The following TNK2 variants were observed in gnomAD, a reference collection of about 807,000 sequenced individuals.
TNK2 encodes the protein tyrosine kinase non receptor 2.
Under a neutral mutation model 101.8 loss-of-function variants are expected in TNK2, and 83 were observed. The ratio of observed to expected loss-of-function variants is 0.82; its 90% CI spans 0.68 to 0.98. TNK2 has a LOEUF of 0.98. TNK2 is among the 50% of genes least tolerant of loss of function. The probability of loss-of-function intolerance (pLI) is 0.00; values close to 1 mark genes in which losing one functional copy is unlikely to be tolerated. For missense variants in TNK2, 1,665 were observed against 1,483.2 expected (o/e 1.12, Z -2.01); for synonymous variants, 804 against 633.0 (o/e 1.27, Z -4.06).
In TNK2 at chr3:195,868,321, G is replaced by C. The variant is rs998844154; in HGVS notation, c.1977C>G (p.Asp659Glu). 2.1e-5 allele frequency: 34 copies of C among 1,603,076 alleles called. No individual in the cohort carries two copies. The Admixed American group carries it at 5.7e-4, about 27-fold the overall frequency. ...TGCTGTTGATGGAGCAGATCTCAAA[G>C]TCATCCTCATCCTGGGCCACGTCGT... ...AYDDVAQDED[D>E]FEICSINSTL... is the part of the protein sequence containing the mutation. The change falls in exon 13 of 16, where the codon GAC (aspartate) becomes GAG (glutamate). Residue 659 changes from aspartate (D) to glutamate (E), a missense_variant. Coordinates refer to ENST00000672887, the MANE Select transcript of TNK2 (RefSeq NM_001382273.1).
chr3:195,870,210 G>T lies in TNK2; in HGVS notation c.1452-5C>A, dbSNP rs371250066. On this transcript the variant is annotated splice_polypyrimidine_tract_variant and splice_region_variant and intron_variant, in intron 10 of 15. Transcript: ENST00000672887. ...ATGGGGTTTCCCAGATACAGTCTGT[G>T]GGGGAGAGAGCTGGGTCAAGAGAGC... 54 of 1,596,086 alleles carry T rather than the reference G, an allele frequency of 3.4e-5. No individual in the cohort carries two copies. Among genetic ancestry groups the T allele is most frequent in the South Asian group, 4.5e-5 (4 of 88,748 alleles).
intron 12 of TNK2, chr3:195,868,985 C>T (rs550761598): frequency 8.3e-5 from 42 of 504,244 alleles, no homozygotes; most frequent in African/African-American, 7.7e-4. Context: ...CTGGCTCCTG[C>T]CTGACGCTGC....
At chr3:195,880,652 A>G (rs1301570014) in intron 6 of TNK2, among the ~76,000 whole-genome samples, 3 of 89,600 alleles carry the variant, frequency 3.3e-5, no homozygotes. Flanking sequence ...AGGACACAGC[A>G]TATATCCCTG....
rs965308270 is a variant in TNK2, at chr3:195,872,767, C to T, written c.1257-297G>A. 5.9e-5 allele frequency: 22 copies of T among 374,244 alleles called. No individual in the cohort carries two copies. In the Admixed American group the frequency reaches 7.5e-4, roughly 13 times the overall value. 23.2% of individuals were successfully genotyped at this position (374,244 alleles called of 1,614,324 possible). A position where few individuals can be genotyped will look rare whatever the true frequency, so the allele number is the denominator to read the frequency against. ...TGCAGCAGGCAACATGACCTGTCCA[C>T]GGTTACCAGAAAGATCCCAGCAGAC... On this transcript the variant is annotated intron_variant, in intron 9 of 15. Transcript: ENST00000672887.
intron 10 of TNK2, 149 bp downstream of exon 10, chr3:195,872,127 A>C: frequency 1.1e-6 from 1 of 906,634 alleles, no homozygotes; most frequent in Admixed American, 2.7e-5. Context: ...TCCCGAGAGT[A>C]AGGCCAGGGT....
rs1394843979 is a variant in TNK2 at position 195,885,637 on chromosome 3, G to C, written c.235-604C>G. 1.6e-6 allele frequency: 2 copies of C among 1,265,378 alleles called. No homozygotes were observed. Among genetic ancestry groups the C allele is most frequent in the Non-Finnish European group, 1.0e-6 (1 of 966,822 alleles). 78.4% of individuals were successfully genotyped at this position (1,265,378 alleles called of 1,614,324 possible). The stretch of plus-strand genomic sequence containing the variant: ...TAGTCCTTGCTGGGAAGGGGCCTGG[G>C]AAGACAGCTGGGTCTCTGGAGGGGC... On this transcript the variant is annotated intron_variant, in intron 3 of 15. Transcript: ENST00000672887. The surrounding 1 kb of genome is among the most constrained non-coding windows in gnomAD (Gnocchi z 4.7).
chr3:195,902,190 G>A (rs912062324), intron 1 of TNK2, among the ~76,000 whole-genome samples: 3 of 152,188 alleles, frequency 2.0e-5, no homozygotes, highest in Non-Finnish European at 2.9e-5. Context: ...ACAAATCCCA[G>A]CGTGAGAGAC....
At chr3:195,887,137 C>G in intron 2 of TNK2, 90 bp from the exon 3 acceptor site, 2 of 1,289,282 alleles carry the variant, frequency 1.6e-6, no homozygotes, top group Non-Finnish European at 2.2e-6. Flanking sequence ...GTGAGCCTGT[C>G]ACTAGACACC....
chr3:195,907,193 C>A (rs1761814852), intron 1 of TNK2, among the ~76,000 whole-genome samples: 1 of 152,246 alleles, frequency 6.6e-6, no homozygotes, highest in Non-Finnish European at 1.5e-5. Context: ...ACAGTGAGAG[C>A]CACTCTGGCC....
chr3:195,870,476 C>T, intron 10 of TNK2: 3 of 1,179,160 alleles, frequency 2.5e-6, no homozygotes, highest in Non-Finnish European at 3.3e-6. Context: ...GGTGGTCCTC[C>T]ACAACCCCCC....
At chr3:195,884,152 A>C (rs905527188) in intron 4 of TNK2, 17 of 152,236 alleles carry the variant, frequency 1.1e-4, no homozygotes, top group Admixed American at 9.2e-4. Context: ...CCGAGAAGAA[A>C]GAACAAGATT....
intron 1 of TNK2, chr3:195,895,707 A>C (rs1760294728): frequency 2.7e-6 from 2 of 741,044 alleles, no homozygotes; most frequent in Non-Finnish European, 3.7e-6. Context: ...AGAGCCACCA[A>C]CTGGGGCCTT....
In TNK2 at chr3:195,895,626, G is replaced by T. The variant is rs898328996; in HGVS notation, c.-18-7020C>A. Reference sequence around the variant, plus strand: ...CCAGCCCCGGGCTGACCCCCACCGAGAGCCGGGGCTCTGCCTTCGCCGGCC... The same window carrying T: ...CCAGCCCCGGGCTGACCCCCACCGATAGCCGGGGCTCTGCCTTCGCCGGCC... On this transcript the variant is annotated intron_variant, in intron 1 of 15. Transcript: ENST00000672887. 1.0e-5 allele frequency: 13 copies of T among 1,284,832 alleles called. No individual in the cohort carries two copies. In the African/African-American group the frequency reaches 1.9e-4, roughly 18 times the overall value. 79.6% of individuals were successfully genotyped at this position (1,284,832 alleles called of 1,614,324 possible). A position where few individuals can be genotyped will look rare whatever the true frequency, so the allele number is the denominator to read the frequency against.
At chr3:195,895,108 C>T in intron 1 of TNK2, 1 of 797,696 alleles carries the variant, frequency 1.3e-6, no homozygotes, top group South Asian at 2.6e-5. Context: ...CATAAACACA[C>T]CGCTCTCTGT....
At chr3:195,869,399 C>T in intron 12 of TNK2, 98 bp downstream of exon 12, 3 of 1,249,682 alleles carry the variant, frequency 2.4e-6, no homozygotes, top group African/African-American at 1.5e-5. Context: ...ACCCACCTCC[C>T]CTCCGGCCCA....
chr3:195,884,316 T>C (rs979400028), intron 4 of TNK2: 2 of 152,302 alleles, frequency 1.3e-5, no homozygotes, highest in Non-Finnish European at 2.9e-5. Flanking sequence ...AATAAATTAT[T>C]TTTATAGTTG....
Position 195,878,541 on chromosome 3 carries a change from A to G in TNK2, c.1066T>C (p.Cys356Arg). The change falls in exon 8 of 16, where the codon TGT becomes CGT. Residue 356 changes from cysteine (C) to arginine (R), a missense_variant. Coordinates refer to ENST00000672887, the MANE Select transcript of TNK2 (RefSeq NM_001382273.1). The surrounding 1 kb of genome is among the most constrained non-coding windows in gnomAD (Gnocchi z 4.7). The stretch of plus-strand genomic sequence containing the variant: ...ATGACGTTGTAGATGTCCTGGGGAC[A>G]GTCCTCGGGCCGGGGCAGCCGCTCC... ...EGERLPRPED[C>R]PQDIYNVMVQ... 1 of 1,613,670 alleles carries G rather than the reference A, an allele frequency of 6.2e-7. No homozygotes were observed. The highest frequency in any genetic ancestry group is 8.5e-7 in the Non-Finnish European group (1 of 1,179,984).
At chr3:195,898,185 A>G (rs867941805) in intron 1 of TNK2, among the ~76,000 whole-genome samples, 22 of 151,984 alleles carry the variant, frequency 1.4e-4, no homozygotes, top group Middle Eastern at 3.4e-3. Flanking sequence ...CCCCCAACCA[A>G]GACTCCTCCT....
chr3:195,877,026 G>A (rs1749782227), intron 9 of TNK2, among the ~76,000 whole-genome samples: 1 of 152,174 alleles, frequency 6.6e-6, no homozygotes, highest in Admixed American at 6.5e-5. Flanking sequence ...ACACGGTCAT[G>A]AGGCTGGACT....
Sources: allele counts gnomAD v4.1 joint callset (sites outside exome capture counted in the v4.1 genomes callset), GRCh38; gene constraint gnomAD v4.1.1; non-coding constraint Gnocchi (gnomAD v3.1); transcripts MANE v1.5; gene names NCBI Gene and HGNC (gene_info 2026-07-23, HGNC 2026-07-21).